The following RSL1D1 variants were observed in gnomAD, a reference collection of about 807,000 sequenced individuals.
RSL1D1 encodes the protein ribosomal L1 domain containing 1.
RSL1D1 carries 34 observed loss-of-function variants against 44.6 expected under a neutral mutation model. The ratio of observed to expected loss-of-function variants is 0.76; its 90% confidence interval spans 0.58 to 1.02. The LOEUF is 1.02. Among genes scored for constraint, RSL1D1 ranks in the 50% least tolerant of loss-of-function variants. The pLI, the probability that RSL1D1 is intolerant of heterozygous loss-of-function variation, is 0.00. For synonymous variants in RSL1D1, 271 were observed against 207.4 expected, an observed-to-expected ratio of 1.31 and a Z score of -2.63; for missense variants, 767 against 568.1, an observed-to-expected ratio of 1.35 and a Z score of -3.56.
intron 5 of RSL1D1, among the ~76,000 whole-genome samples, chr16:11,846,193 T>C (rs1470075473): frequency 1.6e-4 from 24 of 151,236 alleles, no homozygotes; most frequent in South Asian, 2.1e-4. Context: ...GAGATCGAGA[T>C]CATCCTGGCT....
At chr16:11,839,036 T>C (rs1490738624) in intron 8 of RSL1D1, among the ~76,000 whole-genome samples, 7 of 152,004 alleles carry the variant, frequency 4.6e-5, no homozygotes, top group Non-Finnish European at 1.0e-4. Flanking sequence ...CCCTGGCACA[T>C]GGTGTAGGGC....
At position 11,841,713 on chromosome 16, in the gene RSL1D1, C is replaced by G; in HGVS notation, c.837G>C (p.Leu279Phe). ...SNWDEATKRS[L>F]LNKKKKEARR... ...TACTAACTTTTTTCTTCTTATTAAG[C>G]AAAGATCTTTTGGTGGCTTCATCCC... Residue 279 changes from leucine to phenylalanine, a missense_variant, in exon 7 of 9, where the codon TTG becomes TTC. Physicochemically the swap from Leu to Phe is conservative, Grantham distance 22 (BLOSUM62 0). Transcript: ENST00000571133. The G allele has an allele frequency of 6.2e-7, 1 of 1,612,512 alleles. No individual in the cohort carries two copies. The highest frequency in any genetic ancestry group is 8.5e-7 in the Non-Finnish European group (1 of 1,179,484).
intron 8 of RSL1D1, among the ~76,000 whole-genome samples, chr16:11,838,329 T>C (rs1238203375): frequency 6.6e-6 from 1 of 151,714 alleles, no homozygotes; most frequent in Non-Finnish European, 1.5e-5. Flanking sequence ...GCCCGGCTCA[T>C]TTTTTGTATT....
intron 7 of RSL1D1, among the ~76,000 whole-genome samples, chr16:11,840,558 ACT>A (rs1452547571): frequency 1.3e-5 from 2 of 152,004 alleles, no homozygotes; most frequent in East Asian, 1.9e-4. Context: ...ACAGAGTGAA[ACT>A]CTGTCTCAAA....
intron 1 of RSL1D1, 33 bp from the exon 2 acceptor site, chr16:11,850,451 TG>T: frequency 1.9e-6 from 3 of 1,584,134 alleles, no homozygotes; most frequent in Non-Finnish European, 2.6e-6. Context: ...ATAAGTGAAA[TG>T]TTTTCACAAT....
intron 6 of RSL1D1, 32 bp from the exon 7 acceptor site, chr16:11,841,852 A>G (rs376744168): frequency 3.7e-6 from 6 of 1,612,564 alleles, no homozygotes; most frequent in Non-Finnish European, 5.1e-6. Context: ...CATCGTCTAC[A>G]TATACTTTGT....
At chr16:11,838,148 A>G (rs1177914956) in intron 8 of RSL1D1, 35 bp from the exon 9 acceptor site, 2 of 1,500,088 alleles carry the variant, frequency 1.3e-6, no homozygotes, top group South Asian at 2.6e-5. Context: ...ATATAGAAAA[A>G]GCCACAAAAC....
chr16:11,837,560 A>T lies in RSL1D1; in HGVS notation c.*227T>A. On this transcript the variant is annotated 3_prime_UTR_variant, in exon 9 of 9. Transcript: ENST00000571133. ...CAGACAGGGTTTCACCATGTTGGCC[A>T]GGATGGTCTCGATCTCGTTGACCTT... 2.2e-6 allele frequency: 1 copy of T among 445,542 alleles called. No individual in the cohort carries two copies. The highest frequency in any genetic ancestry group is 4.0e-6 in the Non-Finnish European group (1 of 249,924). 27.6% of individuals were successfully genotyped at this position (445,542 alleles called of 1,614,324 possible).
chr16:11,850,798 T>C (rs1427097843), intron 1 of RSL1D1, among the ~76,000 whole-genome samples: 1 of 152,220 alleles, frequency 6.6e-6, no homozygotes, highest in African/African-American at 2.4e-5. Context: ...CTGGCAATTC[T>C]CCTGCCTCAG....
At chr16:11,839,648 T>C (rs781428674) in intron 8 of RSL1D1, 47 bp downstream of exon 8, 9 of 1,599,776 alleles carry the variant, frequency 5.6e-6, no homozygotes, top group South Asian at 2.2e-5. Flanking sequence ...CCTGACACAG[T>C]AGCCACTGAA....
rs1245136726 is a variant in RSL1D1 at position 11,846,538 on chromosome 16, C to T, written c.598G>A (p.Gly200Arg). ...CTTTTAGAAATGTTTAAGACTGTTC[C>T]ACCTATACAGTCATTGATCTCTCTT... ...LSREINDCIGGTVLNISKSGS... is the reference protein window; with the variant it reads ...LSREINDCIGRTVLNISKSGS... The change falls in exon 5 of 9, where the codon GGA (glycine) becomes AGA (arginine). Residue 200 changes from glycine (G) to arginine (R), a missense_variant. Gly to Arg is a moderately radical substitution (Grantham distance 125). Transcript: ENST00000571133. 1.0e-5 allele frequency: 16 copies of T among 1,603,402 alleles called. No homozygotes were observed. Among genetic ancestry groups the T allele is most frequent in the Non-Finnish European group, 1.4e-5 (16 of 1,175,222 alleles).
Position 11,846,807 on chromosome 16 carries a change from A to G in RSL1D1, c.421T>C (p.Ser141Pro), listed in dbSNP as rs778035648. ...SLQTLKKEYK[S>P]YEAKLRLLSS... ...AGAAGGCGGAGCTTGGCTTCATAGG[A>G]TTTATATTCCTTCTTTAGAGTTTGG... The change falls in exon 4 of 9, where the codon TCC (serine) becomes CCC (proline). Residue 141 changes from serine to proline, a missense_variant. Coordinates refer to ENST00000571133, the MANE Select transcript of RSL1D1 (RefSeq NM_015659.3). 1 of 1,612,216 alleles carries G rather than the reference A, an allele frequency of 6.2e-7. No homozygotes were observed. Among genetic ancestry groups the G allele is most frequent in the Admixed American group, 1.7e-5 (1 of 60,022 alleles).
intron 5 of RSL1D1, among the ~76,000 whole-genome samples, chr16:11,845,735 T>C (rs1462440599): frequency 6.6e-6 from 1 of 150,600 alleles, no homozygotes; most frequent in Admixed American, 6.6e-5. Flanking sequence ...TTTTTTTTTT[T>C]CATTTAAAGA....
intron 8 of RSL1D1, 93 bp downstream of exon 8, chr16:11,839,602 G>A (rs2141250657): frequency 6.8e-7 from 1 of 1,467,072 alleles, no homozygotes; most frequent in East Asian, 2.6e-5. Context: ...GTTCACTCTA[G>A]TATTTTTCAT....
rs763205644 is a variant in RSL1D1 at position 11,841,752 on chromosome 16, C to T, written c.798G>A (p.Ser266=). Residue 266 remains serine, a synonymous_variant, in exon 7 of 9, where the codon TCG becomes TCA. Transcript: ENST00000571133. ...TGGCTTCATCCCAATTGCTGACAAA[C>T]GAGGAAAAGATGGGAAGTGCAGCCG... ...EKSAALPIFS[S]FVSNWDEATK... 8.7e-6 allele frequency: 14 copies of T among 1,613,884 alleles called. No homozygotes were observed. The highest frequency in any genetic ancestry group is 4.0e-5 in the African/African-American group (3 of 74,896).
chr16:11,839,183 T>C (rs2053744815), intron 8 of RSL1D1, among the ~76,000 whole-genome samples: 1 of 151,618 alleles, frequency 6.6e-6, no homozygotes, highest in Non-Finnish European at 1.5e-5. Context: ...CTGGCCAACA[T>C]GGCAAAACCC....
chr16:11,847,862 T>C lies in RSL1D1; in HGVS notation c.246-56A>G, dbSNP rs187938538. 307 of 1,530,930 alleles carry C rather than the reference T, an allele frequency of 2.0e-4. No homozygotes were observed. The African/African-American group carries it at 3.9e-3, about 20-fold the overall frequency. The allele number at this position is 1,530,930 out of a possible 1,614,324, so 94.8% of individuals were successfully genotyped here. A position where few individuals can be genotyped will look rare whatever the true frequency, so the allele number is the denominator to read the frequency against. ...AGCATTATTACACACATTATGCATG[T>C]TTGTATCACACAGAATACGCGATAA... is the stretch of plus-strand genomic sequence containing the variant. On this transcript the variant is annotated intron_variant, in intron 2 of 8. Transcript: ENST00000571133.
In RSL1D1 at chr16:11,834,801, T is replaced by C. The variant is rs1000394107; in HGVS notation, c.*2986A>G. The stretch of plus-strand genomic sequence containing the variant: ...GCTTTCATAATTTAAAAAGTTAACA[T>C]TACAATTTGTGTTACTAAAATGCAA... On this transcript the variant is annotated 3_prime_UTR_variant, in exon 9 of 9. Transcript: ENST00000571133. 1.3e-5 allele frequency: 2 copies of C among 152,204 alleles called. No homozygotes were observed. The highest frequency in any genetic ancestry group is 4.8e-5 in the African/African-American group (2 of 41,456). 9.4% of individuals were successfully genotyped at this position (152,204 alleles called of 1,614,324 possible).
rs1171577689 is a variant in RSL1D1 at position 11,835,974 on chromosome 16, G to A, written c.*1813C>T. On this transcript the variant is annotated 3_prime_UTR_variant, in exon 9 of 9. Coordinates refer to ENST00000571133, the MANE Select transcript of RSL1D1 (RefSeq NM_015659.3). ...GTGGCTTGGATAAAATCCAGGGCCT[G>A]TGGCTCTGGAATGTCTAGACTTGCT... 1 of 152,168 alleles carries A rather than the reference G, an allele frequency of 6.6e-6. No homozygotes were observed. Among genetic ancestry groups the A allele is most frequent in the Admixed American group, 6.6e-5 (1 of 15,262 alleles). The allele number at this position is 152,168 out of a possible 1,614,324, so 9.4% of individuals were successfully genotyped here.
Sources: gnomAD v4.1 joint callset for allele counts (sites outside exome capture counted in the v4.1 genomes callset) on GRCh38, gnomAD v4.1.1 for gene constraint, MANE v1.5 for transcripts, NCBI Gene and HGNC (gene_info 2026-07-23, HGNC 2026-07-21) for gene names.